Variants in ACAA1 observed in about 807,000 individuals in gnomAD.
ACAA1 encodes acetyl-CoA acyltransferase 1.
Under a neutral mutation model 48.8 loss-of-function variants are expected in ACAA1, and 44 were observed. The ratio of observed to expected loss-of-function variants is 0.90; its 90% CI spans 0.71 to 1.16. The LOEUF (loss-of-function observed/expected upper bound fraction) is 1.16. ACAA1 is among the 50% of genes most tolerant of loss of function. The pLI, the probability that ACAA1 is intolerant of heterozygous loss-of-function variation, is 0.00. For synonymous variants in ACAA1, 233 were observed against 226.5 expected (o/e 1.03, Z -0.26); for missense variants, 512 against 562.3 (o/e 0.91, Z 0.90).
At chr3:38,136,039 G>A (rs545016423) in intron 2 of ACAA1, among the ~76,000 whole-genome samples, 59 of 152,292 alleles carry the variant, frequency 3.9e-4, no homozygotes, top group Non-Finnish European at 5.7e-4. Flanking sequence ...ATGGAGAATG[G>A]CGATGACTTT....
At chr3:38,132,789 C>G (rs1700814460) in intron 3 of ACAA1, among the ~76,000 whole-genome samples, 1 of 152,204 alleles carries the variant, frequency 6.6e-6, no homozygotes, top group South Asian at 2.1e-4. Flanking sequence ...CCAGGCCAGG[C>G]TCTGCAGAGA....
chr3:38,137,085 G>A lies in ACAA1; in HGVS notation c.-50C>T, dbSNP rs375776313. ...GCCACCAGTCCGGGAACTGACCGCG[G>A]AGTTAACAGACAGCCGTCCGCACAC... On this transcript the variant is annotated 5_prime_UTR_variant, in exon 1 of 12. Transcript: ENST00000333167. The A allele has an allele frequency of 5.0e-5, 72 of 1,442,616 alleles. No individual in the cohort carries two copies. The African/African-American group carries it at 7.5e-4, about 15-fold the overall frequency. The allele number at this position is 1,442,616 out of a possible 1,614,324, so 89.4% of individuals were successfully genotyped here.
chr3:38,133,558 C>A, intron 3 of ACAA1: 1 of 205,462 alleles, frequency 4.9e-6, no homozygotes, highest in Non-Finnish European at 1.0e-5. Context: ...ATGGTTCTGC[C>A]CTATCCCAAA....
At chr3:38,125,204 C>T (rs1234264853) in intron 11 of ACAA1, 1 of 179,726 alleles carries the variant, frequency 5.6e-6, no homozygotes, top group Non-Finnish European at 1.1e-5. Context: ...GAATTCATAA[C>T]ATGAATTCAA....
rs1445837257 is a variant in ACAA1, at chr3:38,133,770, G to A, written c.323+182C>T. 4.8e-6 allele frequency: 3 copies of A among 619,792 alleles called. 1 individual carries two copies. The highest frequency in any genetic ancestry group is 3.9e-5 in the South Asian group (2 of 51,468). The allele number at this position is 619,792 out of a possible 1,614,324, so 38.4% of individuals were successfully genotyped here. A position where few individuals can be genotyped will look rare whatever the true frequency, so the allele number is the denominator to read the frequency against. On this transcript the variant is annotated intron_variant, in intron 3 of 11. Coordinates refer to ENST00000333167, the MANE Select transcript of ACAA1 (RefSeq NM_001607.4). The stretch of plus-strand genomic sequence containing the variant: ...TCCAGTCCCAAAGGTTTTGTGTATC[G>A]TGGCTCAGCACTTCAAAGTAGGGGA...
At position 38,126,772 on chromosome 3, in the gene ACAA1, C is replaced by T; in HGVS notation, c.627-72G>A. 1.3e-6 allele frequency: 2 copies of T among 1,566,884 alleles called. No homozygotes were observed. The highest frequency in any genetic ancestry group is 8.7e-7 in the Non-Finnish European group (1 of 1,145,990). On this transcript the variant is annotated intron_variant, in intron 7 of 11. Coordinates refer to ENST00000333167, the MANE Select transcript of ACAA1 (RefSeq NM_001607.4). The surrounding 1 kb of genome is among the most constrained non-coding windows in gnomAD (Gnocchi z 4.7). ...TTCCTCCCTGCCCCCAACCCCTATC[C>T]ATTTGGGTAGACACAAGCTCAGGCT...
intron 5 of ACAA1, among the ~76,000 whole-genome samples, chr3:38,130,759 T>C (rs1700770142): frequency 2.0e-5 from 3 of 152,206 alleles, no homozygotes. Context: ...TGCAGAGTGG[T>C]CTTTGGCTTT....
rs752572275 is a variant in ACAA1 at position 38,129,439 on chromosome 3, G to A, written c.447-51C>T. 23 of 1,410,502 alleles carry A rather than the reference G, an allele frequency of 1.6e-5. No homozygotes were observed. Among genetic ancestry groups the A allele is most frequent in the Non-Finnish European group, 2.2e-5 (22 of 999,630 alleles). 87.4% of individuals were successfully genotyped at this position (1,410,502 alleles called of 1,614,324 possible). On this transcript the variant is annotated intron_variant, in intron 5 of 11. Coordinates refer to ENST00000333167, the MANE Select transcript of ACAA1 (RefSeq NM_001607.4). This position sits in a 1 kb window ranked among gnomAD's most constrained non-coding sequence, Gnocchi z 5.3. ...GGTAAGGTGAACTGGGCCCTAGCAG[G>A]ACTCCTCCAGAGATAGCTGAACACT...
intron 3 of ACAA1, chr3:38,133,612 TA>T (rs1422465836): frequency 3.9e-5 from 12 of 309,472 alleles, no homozygotes; most frequent in Non-Finnish European, 3.7e-5. Flanking sequence ...GCTCAACTAG[TA>T]AAAAGGCTGA....
At position 38,129,570 on chromosome 3, in the gene ACAA1, CCT is replaced by C. The variant is rs928516866; in HGVS notation, c.447-184_447-183del. On this transcript the variant is annotated intron_variant, in intron 5 of 11. Transcript: ENST00000333167. This position sits in a 1 kb window ranked among gnomAD's most constrained non-coding sequence, Gnocchi z 5.3. Reference sequence around the variant, plus strand: ...CAAGGCCCAGCCACGAGTACTGAGCCCTGTCTCTATTTCGACCCCCACCCCAG... The same window carrying C: ...CAAGGCCCAGCCACGAGTACTGAGCCGTCTCTATTTCGACCCCCACCCCAG... Among the ~76,000 whole-genome samples, 4 of 152,182 alleles carry C rather than the reference CCT, an allele frequency of 2.6e-5. No homozygotes were observed. Among genetic ancestry groups the C allele is most frequent in the African/African-American group, 9.7e-5 (4 of 41,446 alleles).
Position 38,127,776 on chromosome 3 carries a change from C to T in ACAA1, c.626+10G>A. On this transcript the variant is annotated intron_variant, in intron 7 of 11. Coordinates refer to ENST00000333167, the MANE Select transcript of ACAA1 (RefSeq NM_001607.4). ...AGCCCTTTAAACATTCCTCCCCAAT[C>T]AGCACTCACTTCTGCTGGGAAGCCA... The T allele has an allele frequency of 6.2e-7, 1 of 1,613,716 alleles. No individual in the cohort carries two copies. Among genetic ancestry groups the T allele is most frequent in the Non-Finnish European group, 8.5e-7 (1 of 1,179,602 alleles).
chr3:38,135,881 C>T (rs977513644), intron 2 of ACAA1, among the ~76,000 whole-genome samples: 4 of 152,152 alleles, frequency 2.6e-5, no homozygotes, highest in African/African-American at 7.2e-5. Context: ...TTACGGGTGT[C>T]GGGCTGGGGG....
In ACAA1 at chr3:38,129,273, G is replaced by A. The variant is rs1272594845; in HGVS notation, c.545+17C>T. ...GGCAGAGAGGGCACAAGCACACAGA[G>A]CTATGGGAGCACTCACCCCATAGGA... On this transcript the variant is annotated intron_variant, in intron 6 of 11. Coordinates refer to ENST00000333167, the MANE Select transcript of ACAA1 (RefSeq NM_001607.4). This position sits in a 1 kb window ranked among gnomAD's most constrained non-coding sequence, Gnocchi z 5.3. The A allele has an allele frequency of 1.9e-6, 3 of 1,601,352 alleles. No homozygotes were observed. Among genetic ancestry groups the A allele is most frequent in the South Asian group, 1.1e-5 (1 of 90,794 alleles).
At chr3:38,127,487 C>T in intron 7 of ACAA1, 3 of 444,750 alleles carry the variant, frequency 6.7e-6, no homozygotes, top group Admixed American at 3.4e-5. Flanking sequence ...ATTGCTGGCC[C>T]CACACTCCAG....
At chr3:38,127,707 G>C in intron 7 of ACAA1, 79 bp downstream of exon 7, 1 of 1,459,470 alleles carries the variant, frequency 6.9e-7, no homozygotes, top group Non-Finnish European at 9.6e-7. Flanking sequence ...CCACGAAATG[G>C]TGCCACTTCA....
intron 3 of ACAA1, 118 bp downstream of exon 3, chr3:38,133,834 G>A (rs1189212130): frequency 1.3e-5 from 13 of 1,008,098 alleles, no homozygotes; most frequent in East Asian, 2.5e-5. Flanking sequence ...AAGGACTCTC[G>A]TTGCCTCATT....
chr3:38,124,021 A>T (rs2125762119), intron 11 of ACAA1: 1 of 152,258 alleles, frequency 6.6e-6, no homozygotes, highest in East Asian at 1.9e-4. Context: ...AAAAAAAAAA[A>T]AAAATGTACA....
chr3:38,133,697 A>G, intron 3 of ACAA1: 1 of 544,540 alleles, frequency 1.8e-6, no homozygotes, highest in Non-Finnish European at 3.3e-6. Context: ...ACAAAAGGCA[A>G]ATGACAACCT....
chr3:38,134,560 A>G (rs1477738954), intron 2 of ACAA1: 2 of 454,472 alleles, frequency 4.4e-6, no homozygotes, highest in South Asian at 1.6e-5. Flanking sequence ...GATCTGTACA[A>G]AGAAAAATTG....
Sources: allele counts gnomAD v4.1 joint callset (sites outside exome capture counted in the v4.1 genomes callset), GRCh38; gene constraint gnomAD v4.1.1; non-coding constraint Gnocchi (gnomAD v3.1); transcripts MANE v1.5; gene names NCBI Gene and HGNC (gene_info 2026-07-23, HGNC 2026-07-21).